Variants in RNF220 observed in about 807,000 individuals in gnomAD.
RNF220 encodes E3 ubiquitin-protein ligase RNF220.
In RNF220, 7 loss-of-function variants were observed where a neutral mutation model predicts 67.1. The observed-to-expected ratio is 0.10, with a 90% CI of 0.06 to 0.20. The LOEUF (loss-of-function observed/expected upper bound fraction) is 0.20. Among genes scored for constraint, RNF220 ranks in the 10% least tolerant of loss-of-function variants. The probability of loss-of-function intolerance (pLI) is 1.00; values close to 1 mark genes in which losing one functional copy is unlikely to be tolerated. For missense variants in RNF220, 565 were observed against 740.3 expected (o/e 0.76, Z 2.75); for synonymous variants, 270 against 283.2 (o/e 0.95, Z 0.47).
At chr1:44,593,689 G>C (rs914874234) in intron 2 of RNF220, among the ~76,000 whole-genome samples, 11 of 152,174 alleles carry the variant, frequency 7.2e-5, no homozygotes, top group Non-Finnish European at 1.6e-4. Flanking sequence ...CACTGCACCA[G>C]CCTGGGTGAC....
chr1:44,564,751 CAAA>C (rs34127522), intron 2 of RNF220, among the ~76,000 whole-genome samples: 7 of 93,704 alleles, frequency 7.5e-5, no homozygotes, highest in Admixed American at 1.1e-4. Context: ...GACTCCATCT[CAAA>C]AAAAAAAAAA....
intron 3 of RNF220, among the ~76,000 whole-genome samples, chr1:44,617,495 G>C (rs1458166322): frequency 6.6e-6 from 1 of 152,246 alleles, no homozygotes; most frequent in Non-Finnish European, 1.5e-5. Flanking sequence ...CATTGTAATT[G>C]GGTGCGTGAT....
chr1:44,428,358 A>G (rs758557632), intron 2 of RNF220, among the ~76,000 whole-genome samples: 32 of 152,344 alleles, frequency 2.1e-4, no homozygotes, highest in Non-Finnish European at 4.0e-4. Context: ...CAGAATGCCT[A>G]GAATCACTGG....
rs560859338 is a variant in RNF220, at chr1:44,624,675, A to C, written c.805-1622A>C. On this transcript the variant is annotated intron_variant, in intron 4 of 14. Coordinates refer to ENST00000361799, the MANE Select transcript of RNF220 (RefSeq NM_018150.4). The surrounding 1 kb of genome is among the most constrained non-coding windows in gnomAD (Gnocchi z 4.2). ...GCAAGAGACTGAAAGGACAGGGAGA[A>C]GGAGGGAGGGAGGAGGAGGAGAGGG... Among the ~76,000 whole-genome samples the C allele has an allele frequency of 2.2e-4, 34 of 152,208 alleles. No homozygotes were observed. Among genetic ancestry groups the C allele is most frequent in the African/African-American group, 8.2e-4 (34 of 41,558 alleles).
At chr1:44,597,960 A>C (rs957508588) in intron 2 of RNF220, among the ~76,000 whole-genome samples, 29 of 120,978 alleles carry the variant, frequency 2.4e-4, no homozygotes, top group East Asian at 1.1e-3. Flanking sequence ...ACCCCACCCC[A>C]CCCACCTCTC....
At position 44,405,394 on chromosome 1, in the gene RNF220, T is replaced by TGCTGCC. The variant is rs1553208959; in HGVS notation, c.-252_-251insTGCCGC. ...AGCCGCCTACTGCTGCTGCTGCTGC[T>TGCTGCC]GCCGCTGCCGCCGCCGCCGCCGCCG... On this transcript the variant is annotated 5_prime_UTR_variant, in exon 1 of 15. Coordinates refer to ENST00000361799, the MANE Select transcript of RNF220 (RefSeq NM_018150.4). 1.1e-5 allele frequency: 7 copies of TGCTGCC among 628,818 alleles called. No individual in the cohort carries two copies. The highest frequency in any genetic ancestry group is 2.0e-5 in the Non-Finnish European group (7 of 348,656). The allele number at this position is 628,818 out of a possible 1,614,324, so 39.0% of individuals were successfully genotyped here.
chr1:44,461,384 ATACTT>A (rs1368026974), intron 2 of RNF220, among the ~76,000 whole-genome samples: 5 of 152,358 alleles, frequency 3.3e-5, no homozygotes, highest in East Asian at 1.9e-4. Flanking sequence ...CAAAAATAAA[ATACTT>A]TAATCAAAAT....
intron 2 of RNF220, among the ~76,000 whole-genome samples, chr1:44,543,267 C>T (rs1661825354): frequency 1.3e-5 from 2 of 152,050 alleles, no homozygotes; most frequent in South Asian, 2.1e-4. Context: ...CAGAGTTAAG[C>T]CTGGGGTTAA....
At chr1:44,485,645 A>G (rs986961091) in intron 2 of RNF220, among the ~76,000 whole-genome samples, 7 of 152,194 alleles carry the variant, frequency 4.6e-5, no homozygotes, top group African/African-American at 1.7e-4. Flanking sequence ...GTGACTCTCC[A>G]TGCTCTGGGT....
intron 1 of RNF220, among the ~76,000 whole-genome samples, chr1:44,411,236 G>A (rs150292784): frequency 1.3e-5 from 2 of 152,284 alleles, no homozygotes; most frequent in South Asian, 2.1e-4. Context: ...TGTCAGAGAC[G>A]CCAGGCATTT....
chr1:44,468,063 C>G (rs1249677710), intron 2 of RNF220, among the ~76,000 whole-genome samples: 1 of 151,796 alleles, frequency 6.6e-6, no homozygotes, highest in Non-Finnish European at 1.5e-5. Flanking sequence ...CACGCCAGAT[C>G]AATTACAATG....
intron 2 of RNF220, among the ~76,000 whole-genome samples, chr1:44,439,525 A>G (rs925894272): frequency 2.3e-4 from 35 of 150,618 alleles, no homozygotes; most frequent in Non-Finnish European, 4.6e-4. Flanking sequence ...TGTTGTTGTT[A>G]TTTGTTTTTA....
At chr1:44,553,770 G>A (rs1022472513) in intron 2 of RNF220, among the ~76,000 whole-genome samples, 1 of 152,144 alleles carries the variant, frequency 6.6e-6, no homozygotes, top group Admixed American at 6.5e-5. Context: ...GCCCACGAAT[G>A]GGGTAACAAA....
At chr1:44,432,636 G>T (rs1449953948) in intron 2 of RNF220, among the ~76,000 whole-genome samples, 1 of 152,132 alleles carries the variant, frequency 6.6e-6, no homozygotes, top group Admixed American at 6.5e-5. Flanking sequence ...CTATTCACAG[G>T]TGTGATTATA....
intron 2 of RNF220, among the ~76,000 whole-genome samples, chr1:44,494,402 T>C (rs1350634956): frequency 6.6e-6 from 1 of 152,052 alleles, no homozygotes; most frequent in Non-Finnish European, 1.5e-5. Flanking sequence ...ATGCATGAAA[T>C]AGCATTTGCA....
At chr1:44,411,056 TTTG>T (rs1557897391) in intron 1 of RNF220, among the ~76,000 whole-genome samples, 1 of 152,208 alleles carries the variant, frequency 6.6e-6, no homozygotes, top group African/African-American at 2.4e-5. Flanking sequence ...AGTCAGAAAT[TTTG>T]TTAACATTTT....
Position 44,649,419 on chromosome 1 carries a change from T to C in RNF220, c.1446-242T>C, listed in dbSNP as rs911738389. On this transcript the variant is annotated intron_variant, in intron 12 of 14. Transcript: ENST00000361799. This position sits in a 1 kb window ranked among gnomAD's most constrained non-coding sequence, Gnocchi z 5.9. ...GTTGGGAAGACTGCGAAGGAGTGGT[T>C]GAAAATGGTTCCCTGGTATCTGGTG... The C allele has an allele frequency of 7.8e-5, 44 of 563,960 alleles. No homozygotes were observed. Among genetic ancestry groups the C allele is most frequent in the Non-Finnish European group, 1.3e-4 (41 of 315,182 alleles). The allele number at this position is 563,960 out of a possible 1,614,324, so 34.9% of individuals were successfully genotyped here. A position where few individuals can be genotyped will look rare whatever the true frequency, so the allele number is the denominator to read the frequency against.
intron 2 of RNF220, among the ~76,000 whole-genome samples, chr1:44,523,609 T>C (rs112655959): frequency 0.02 from 3,060 of 152,276 alleles, 102 homozygotes; most frequent in African/African-American, 0.068. Context: ...CTAATGGTTA[T>C]GGGGTCAGGT....
At chr1:44,483,555 G>A (rs1044697371) in intron 2 of RNF220, among the ~76,000 whole-genome samples, 1 of 152,186 alleles carries the variant, frequency 6.6e-6, no homozygotes, top group Non-Finnish European at 1.5e-5. Context: ...CCCAGAGCTA[G>A]CTAAAGGGGT....
Sources: gnomAD v4.1 joint callset for allele counts (sites outside exome capture counted in the v4.1 genomes callset) on GRCh38, gnomAD v4.1.1 for gene constraint, Gnocchi (gnomAD v3.1) non-coding constraint, MANE v1.5 for transcripts, NCBI Gene and HGNC (gene_info 2026-07-23, HGNC 2026-07-21) for gene names.